Variants in ERAP1 observed in about 807,000 individuals in gnomAD.
ERAP1 encodes the protein adipocyte-derived leucine aminopeptidase.
In ERAP1, 86 loss-of-function variants were observed where a neutral mutation model predicts 103.7. The ratio of observed to expected loss-of-function variants is 0.83; its 90% confidence interval spans 0.70 to 0.99. The LOEUF is 0.99. Among genes scored for constraint, ERAP1 ranks in the 50% least tolerant of loss-of-function variants. The probability of loss-of-function intolerance (pLI) is 0.00; values close to 1 mark genes in which losing one functional copy is unlikely to be tolerated. For missense variants in ERAP1, 1,009 were observed against 1,128.4 expected (o/e 0.89, Z 1.52); for synonymous variants, 398 against 402.4 (o/e 0.99, Z 0.13).
chr5:96,898,224 A>G, the ERAP1 span, among the ~76,000 whole-genome samples: 2 of 152,018 alleles, frequency 1.3e-5, no homozygotes, highest in African/African-American at 2.4e-5. Flanking sequence ...AATAATTAAT[A>G]ATAAATAAAA....
chr5:96,795,009 A>G, intron 5 of ERAP1, 33 bp downstream of exon 5: 1 of 1,612,494 alleles, frequency 6.2e-7, no homozygotes, highest in South Asian at 1.1e-5. Flanking sequence ...TGTTCATCAA[A>G]TGTCATGTGT....
the ERAP1 span, among the ~76,000 whole-genome samples, chr5:96,851,670 A>G: frequency 6.6e-6 from 1 of 152,176 alleles, no homozygotes; most frequent in African/African-American, 2.4e-5. Flanking sequence ...AGACAGGGAA[A>G]ACAGTCTCAA....
chr5:96,903,622 C>CTTCAATGTTGAACA, the ERAP1 span: 2 of 1,415,856 alleles, frequency 1.4e-6, no homozygotes, highest in Non-Finnish European at 1.9e-6. Flanking sequence ...ATATGCTAGA[C>CTTCAATGTTGAACA]TTCAATATTG....
the ERAP1 span, chr5:96,913,556 T>C: frequency 8.8e-6 from 12 of 1,357,754 alleles, no homozygotes; most frequent in East Asian, 3.0e-4. Context: ...ATATAAATAA[T>C]ACCATTTGTA....
rs1303945883 is a variant in ERAP1 at position 96,775,958 on chromosome 5, G to C, written c.*438C>G. On this transcript the variant is annotated 3_prime_UTR_variant, in exon 19 of 19. Transcript: ENST00000443439. The stretch of plus-strand genomic sequence containing the variant: ...CAGCGGGTCTGGAGGGGTGAGCCGG[G>C]AGAGCTTTAACCCAGTCATCGTCCG... 2 of 1,044,840 alleles carry C rather than the reference G, an allele frequency of 1.9e-6. No individual in the cohort carries two copies. Among genetic ancestry groups the C allele is most frequent in the Admixed American group, 5.0e-5 (1 of 20,006 alleles). The allele number at this position is 1,044,840 out of a possible 1,614,324, so 64.7% of individuals were successfully genotyped here.
the ERAP1 span, chr5:96,912,646 A>T: frequency 6.2e-7 from 1 of 1,607,718 alleles, no homozygotes; most frequent in African/African-American, 1.3e-5. Context: ...GTATACCAAC[A>T]GATGTTTTAA....
chr5:96,895,453 A>AACAT, the ERAP1 span: 4 of 905,758 alleles, frequency 4.4e-6, no homozygotes, highest in Non-Finnish European at 5.2e-6. Flanking sequence ...GAAAAACTAC[A>AACAT]TAATGTTGTG....
chr5:96,895,179 A>AAT, the ERAP1 span: 186 of 937,750 alleles, frequency 2.0e-4, no homozygotes, highest in African/African-American at 2.7e-3. Context: ...TAACTATTGT[A>AAT]TTTTTTGCTA....
intron 3 of ERAP1, 78 bp from the exon 4 acceptor site, chr5:96,797,387 G>T: frequency 6.8e-7 from 1 of 1,481,418 alleles, no homozygotes; most frequent in Non-Finnish European, 9.4e-7. Flanking sequence ...CTAATTATCA[G>T]ACATAATATT....
the ERAP1 span, among the ~76,000 whole-genome samples, chr5:96,924,351 C>A: frequency 6.6e-6 from 1 of 152,188 alleles, no homozygotes; most frequent in Non-Finnish European, 1.5e-5. Context: ...GAAAAAAGCA[C>A]CTGAATCAGC....
chr5:96,803,923 C>A lies in ERAP1; in HGVS notation c.4G>T (p.Val2Leu). The A allele has an allele frequency of 6.2e-7, 1 of 1,605,540 alleles. No homozygotes were observed. Among genetic ancestry groups the A allele is most frequent in the Non-Finnish European group, 8.5e-7 (1 of 1,179,980 alleles). Reference protein sequence around the residue: MVFLPLKWSLAT... With the variant: MLFLPLKWSLAT... The stretch of plus-strand genomic sequence containing the variant: ...AGGGACCATTTGAGGGGCAGAAACA[C>A]CATCTTCTTGCTCTACCTACCTAGC... The change falls in exon 2 of 19, where the codon GTG becomes TTG. Residue 2 changes from valine (V) to leucine (L), a missense_variant. Around this residue, in one of 3 missense-constraint regions of ERAP1, gnomAD observed 392 missense variants for 455.2 expected, o/e 0.86. Coordinates refer to ENST00000443439, the MANE Select transcript of ERAP1 (RefSeq NM_001040458.3).
the ERAP1 span, among the ~76,000 whole-genome samples, chr5:96,868,242 A>G: frequency 6.6e-4 from 100 of 152,310 alleles, no homozygotes; most frequent in African/African-American, 2.2e-3. Context: ...GACCTGCTGC[A>G]TATTATTGAA....
chr5:96,923,024 G>C, the ERAP1 span, among the ~76,000 whole-genome samples: 1 of 152,086 alleles, frequency 6.6e-6, no homozygotes, highest in African/African-American at 2.4e-5. Flanking sequence ...TGTTGACCAA[G>C]CTGGAGTGTC....
In ERAP1 at chr5:96,776,198, T is replaced by C; in HGVS notation, c.*198A>G. 1 of 1,514,458 alleles carries C rather than the reference T, an allele frequency of 6.6e-7. No individual in the cohort carries two copies. Among genetic ancestry groups the C allele is most frequent in the Non-Finnish European group, 8.8e-7 (1 of 1,133,280 alleles). The allele number at this position is 1,514,458 out of a possible 1,614,324, so 93.8% of individuals were successfully genotyped here. A position where few individuals can be genotyped will look rare whatever the true frequency, so the allele number is the denominator to read the frequency against. On this transcript the variant is annotated 3_prime_UTR_variant, in exon 19 of 19. Transcript: ENST00000443439. Reference sequence around the variant, plus strand: ...GGTTTACGTTGCAGGGCAACACCTGTGATGAACAAAACACATGGTAGCGAT... The same window carrying C: ...GGTTTACGTTGCAGGGCAACACCTGCGATGAACAAAACACATGGTAGCGAT...
the ERAP1 span, among the ~76,000 whole-genome samples, chr5:96,923,491 G>A: frequency 2.0e-5 from 3 of 152,044 alleles, no homozygotes; most frequent in African/African-American, 4.8e-5. Flanking sequence ...TCAGGAGATC[G>A]AGACCATCCT....
At chr5:96,793,043 C>T (rs1218434877) in intron 7 of ERAP1, among the ~76,000 whole-genome samples, 1 of 152,100 alleles carries the variant, frequency 6.6e-6, no homozygotes, top group Admixed American at 6.5e-5. Flanking sequence ...AAGTAGGGTC[C>T]TATTGAGATA....
In ERAP1 at chr5:96,803,561, G is replaced by A. The variant is rs2151000464; in HGVS notation, c.366C>T (p.Val122=). ...GERLSEEPLQ[V]LEHPRQEQIA... ...TTTGCTCCTGACGGGGGTGTTCCAGGACCTGCAGGGGTTCTTCCGATAGCC... is the reference window on the plus strand; with the variant it reads ...TTTGCTCCTGACGGGGGTGTTCCAGAACCTGCAGGGGTTCTTCCGATAGCC... Residue 122 remains valine (V), a synonymous_variant, in exon 2 of 19, where the codon GTC becomes GTT. Coordinates refer to ENST00000443439, the MANE Select transcript of ERAP1 (RefSeq NM_001040458.3). The A allele has an allele frequency of 6.2e-7, 1 of 1,613,964 alleles. No homozygotes were observed. The highest frequency in any genetic ancestry group is 2.2e-5 in the East Asian group (1 of 44,880).
chr5:96,875,105 G>A, the ERAP1 span, among the ~76,000 whole-genome samples: 38 of 152,266 alleles, frequency 2.5e-4, no homozygotes, highest in African/African-American at 8.4e-4. Flanking sequence ...TGGTGGCATC[G>A]TACAAGTAAC....
At chr5:96,817,888 C>CAAGG in the ERAP1 span, among the ~76,000 whole-genome samples, 1 of 152,202 alleles carries the variant, frequency 6.6e-6, no homozygotes, top group African/African-American at 2.4e-5. Flanking sequence ...AATCTAGGAG[C>CAAGG]AAGGAGTCTG....
Sources: allele counts gnomAD v4.1 joint callset (sites outside exome capture counted in the v4.1 genomes callset), GRCh38; gene constraint gnomAD v4.1.1; regional missense constraint gnomAD v4.1.1; transcripts MANE v1.5; gene names NCBI Gene and HGNC (gene_info 2026-07-23, HGNC 2026-07-21).